The following NEBL variants were observed in gnomAD, a reference collection of about 807,000 sequenced individuals.
NEBL encodes the protein LIM and SH3 protein 2.
NEBL carries 122 observed loss-of-function variants against 140.2 expected under a neutral mutation model. That is an observed-to-expected ratio of 0.87 (90% confidence interval 0.75 to 1.01). The LOEUF is 1.01. NEBL is among the 50% of genes least tolerant of loss of function. The probability of loss-of-function intolerance (pLI) is 0.00; values close to 1 mark genes in which losing one functional copy is unlikely to be tolerated. For synonymous variants in NEBL, 436 were observed against 398.9 expected (o/e 1.09, Z -1.11); for missense variants, 1,365 against 1,231.3 (o/e 1.11, Z -1.62).
intron 2 of NEBL, among the ~76,000 whole-genome samples, chr10:21,032,603 G>T (rs920696458): frequency 1.1e-4 from 17 of 152,134 alleles, no homozygotes; most frequent in African/African-American, 4.1e-4. Context: ...GTGAATTAGA[G>T]CACGTAAATG....
intron 26 of NEBL, among the ~76,000 whole-genome samples, chr10:20,801,434 T>C (rs1208504605): frequency 6.6e-6 from 1 of 152,022 alleles, no homozygotes; most frequent in East Asian, 1.9e-4. Context: ...TGACCTCAAG[T>C]AACCTGCTTG....
At chr10:20,884,136 A>C (rs1211792577) in intron 4 of NEBL, among the ~76,000 whole-genome samples, 1 of 152,228 alleles carries the variant, frequency 6.6e-6, no homozygotes, top group African/African-American at 2.4e-5. Context: ...TAAGTGATAA[A>C]TACATTTATT....
chr10:20,974,560 T>C (rs1836713945), intron 3 of NEBL, among the ~76,000 whole-genome samples: 2 of 152,162 alleles, frequency 1.3e-5, no homozygotes, highest in South Asian at 4.1e-4. Flanking sequence ...TGAAATGTAA[T>C]TTAAATAAAA....
intron 3 of NEBL, among the ~76,000 whole-genome samples, chr10:20,998,918 G>A (rs944696274): frequency 1.3e-5 from 2 of 152,128 alleles, no homozygotes; most frequent in South Asian, 4.1e-4. Context: ...TCACACCGCA[G>A]CAAGTTCTGG....
At chr10:21,268,319 T>A (rs114822950) in intron 1 of NEBL, among the ~76,000 whole-genome samples, 2,001 of 151,926 alleles carry the variant, frequency 0.013, 45 homozygotes, top group African/African-American at 0.046. Flanking sequence ...AAAATAATTT[T>A]AAAAAGTTAG....
At chr10:21,184,907 G>C (rs1457942511) in intron 3 of NEBL, among the ~76,000 whole-genome samples, 1 of 152,170 alleles carries the variant, frequency 6.6e-6, no homozygotes, top group East Asian at 1.9e-4. Context: ...ATTACATACA[G>C]TTCTTTTGTA....
intron 9 of NEBL, among the ~76,000 whole-genome samples, chr10:20,855,335 T>C (rs1842959029): frequency 6.6e-6 from 1 of 151,846 alleles, no homozygotes; most frequent in Non-Finnish European, 1.5e-5. Context: ...TATGTATTTA[T>C]AAAATAATCA....
At chr10:21,196,299 G>A (rs1841647243) in intron 3 of NEBL, among the ~76,000 whole-genome samples, 1 of 148,768 alleles carries the variant, frequency 6.7e-6, no homozygotes. Context: ...ACCACGCCGG[G>A]CCTATATTTT....
In NEBL at chr10:20,816,539, G is replaced by A. The variant is rs556235278; in HGVS notation, c.2149-822C>T. On this transcript the variant is annotated intron_variant, in intron 21 of 27. Coordinates refer to ENST00000377122, the MANE Select transcript of NEBL (RefSeq NM_006393.3). ...CTAAATATATGGGGGAAAGATGAGC[G>A]TCTACTTCTCTAAAATATAGTTGTT... 1.8e-4 allele frequency among the ~76,000 whole-genome samples: 28 copies of A among 152,236 alleles called. No homozygotes were observed. The South Asian group carries it at 2.7e-3, about 15-fold the overall frequency.
chr10:20,872,590 T>C (rs1049631714), intron 5 of NEBL, among the ~76,000 whole-genome samples: 1 of 152,182 alleles, frequency 6.6e-6, no homozygotes, highest in African/African-American at 2.4e-5. Flanking sequence ...AAAATGAGGC[T>C]GAAACCTACT....
intron 2 of NEBL, among the ~76,000 whole-genome samples, chr10:21,034,873 C>T (rs1028808998): frequency 5.9e-5 from 9 of 152,118 alleles, no homozygotes; most frequent in African/African-American, 2.2e-4. Flanking sequence ...TAAACATCTG[C>T]CATGGTGATT....
At chr10:20,823,140 G>A (rs369184227) in intron 19 of NEBL, 68 bp downstream of exon 19, 2 of 1,195,442 alleles carry the variant, frequency 1.7e-6, no homozygotes, top group Admixed American at 1.8e-5. Context: ...ACCTGTACAG[G>A]TTTTATGCTG....
At chr10:20,805,713 T>G (rs1010553645) in intron 26 of NEBL, among the ~76,000 whole-genome samples, 1 of 151,872 alleles carries the variant, frequency 6.6e-6, no homozygotes, top group African/African-American at 2.4e-5. Context: ...ATTAGCCAAG[T>G]GTGGTGGCGT....
intron 2 of NEBL, among the ~76,000 whole-genome samples, chr10:21,036,179 G>A (rs147438706): frequency 6.8e-4 from 103 of 151,908 alleles, no homozygotes; most frequent in Admixed American, 1.8e-3. Flanking sequence ...AGAAAGAAAA[G>A]GACAGGCACA....
At chr10:20,988,741 A>C (rs1392071890) in intron 3 of NEBL, among the ~76,000 whole-genome samples, 1 of 152,202 alleles carries the variant, frequency 6.6e-6, no homozygotes, top group African/African-American at 2.4e-5. Context: ...TTACTTGGGC[A>C]TGAGCACACT....
intron 3 of NEBL, among the ~76,000 whole-genome samples, chr10:21,196,479 G>A (rs144338253): frequency 0.012 from 1,842 of 151,764 alleles, 32 homozygotes; most frequent in African/African-American, 0.042. Context: ...CAAGTACCTG[G>A]GATTACAGGC....
In NEBL at chr10:20,968,140, C is replaced by T. The variant is rs577136437; in HGVS notation, c.250-6361G>A. 4.6e-5 allele frequency among the ~76,000 whole-genome samples: 7 copies of T among 152,200 alleles called. No homozygotes were observed. In the South Asian group the frequency reaches 1.2e-3, roughly 27 times the overall value. On this transcript the variant is annotated intron_variant, in intron 3 of 6. Coordinates refer to the NEBL transcript ENST00000417816. ...GTGAGGCTGTTTACACCAGCAAACA[C>T]AGACTTGAAGCAAGAAGGTAGGAAA...
At chr10:21,265,425 T>C (rs1168126556) in intron 1 of NEBL, among the ~76,000 whole-genome samples, 1 of 152,198 alleles carries the variant, frequency 6.6e-6, no homozygotes, top group Non-Finnish European at 1.5e-5. Flanking sequence ...TTATCACTAC[T>C]AATCTCACTG....
chr10:21,159,313 C>T (rs7911223), intron 2 of NEBL, among the ~76,000 whole-genome samples: 1,840 of 152,194 alleles, frequency 0.012, 36 homozygotes, highest in African/African-American at 0.041. Context: ...TGGCACACAT[C>T]GTTTATCTTA....
Sources: gnomAD v4.1 joint callset for allele counts (sites outside exome capture counted in the v4.1 genomes callset) on GRCh38, gnomAD v4.1.1 for gene constraint, MANE v1.5 for transcripts, NCBI Gene and HGNC (gene_info 2026-07-23, HGNC 2026-07-21) for gene names.